Variants in ATXN10 observed in about 807,000 individuals in gnomAD.
ATXN10 encodes the protein ataxin 10.
ATXN10 carries 28 observed loss-of-function variants against 52.9 expected under a neutral mutation model. That is an observed-to-expected ratio of 0.53 (90% CI 0.39 to 0.73). The LOEUF is 0.73. ATXN10 is among the 30% of genes least tolerant of loss of function. The pLI, the probability that ATXN10 is intolerant of heterozygous loss-of-function variation, is 0.00. For synonymous variants in ATXN10, 226 were observed against 221.5 expected, an observed-to-expected ratio of 1.02 and a Z score of -0.18; for missense variants, 565 against 577.0, an observed-to-expected ratio of 0.98 and a Z score of 0.21.
intron 9 of ATXN10, 141 bp downstream of exon 9, chr22:45,740,679 T>TAC (rs74268525): frequency 0.045 from 17,572 of 390,422 alleles, 252 homozygotes; most frequent in Non-Finnish European, 0.054. Context: ...TTTATATGAA[T>TAC]ACACACACAC....
rs548656092 is a variant in ATXN10 at position 45,764,457 on chromosome 22, C to T, written c.1173+23919C>T. Among the ~76,000 whole-genome samples, 8 of 152,296 alleles carry T rather than the reference C, an allele frequency of 5.3e-5. No homozygotes were observed. In the East Asian group the frequency reaches 5.8e-4, roughly 11 times the overall value. ...CAACTCTCAAAAGACATCTCCCTTGCGTCTGGCTAATCCGGGTTTGTTTGG... is the reference window on the plus strand; with the variant it reads ...CAACTCTCAAAAGACATCTCCCTTGTGTCTGGCTAATCCGGGTTTGTTTGG... On this transcript the variant is annotated intron_variant, in intron 9 of 11. Coordinates refer to ENST00000252934, the MANE Select transcript of ATXN10 (RefSeq NM_013236.4).
rs1339885967 is a variant in ATXN10, at chr22:45,690,601, TG to T, written c.308+699del. ...TTTAATTACTTTTAATGTTTTAATT[TG>T]TTACTCTTGTGTTTGGACAAGAAGC... On this transcript the variant is annotated intron_variant, in intron 2 of 11. Transcript: ENST00000252934. This position sits in a 1 kb window ranked among gnomAD's most constrained non-coding sequence, Gnocchi z 4.5. Among the ~76,000 whole-genome samples, 6 of 152,260 alleles carry T rather than the reference TG, an allele frequency of 3.9e-5. No homozygotes were observed. The highest frequency in any genetic ancestry group is 1.4e-4 in the African/African-American group (6 of 41,466).
rs906533913 is a variant in ATXN10 at position 45,819,431 on chromosome 22, G to A, written c.1237+12409G>A. Among the ~76,000 whole-genome samples the A allele has an allele frequency of 1.3e-5, 2 of 152,150 alleles. No individual in the cohort carries two copies. Among genetic ancestry groups the A allele is most frequent in the Admixed American group, 6.5e-5 (1 of 15,274 alleles). On this transcript the variant is annotated intron_variant, in intron 10 of 11. Transcript: ENST00000252934. This position sits in a 1 kb window ranked among gnomAD's most constrained non-coding sequence, Gnocchi z 4.5. ...GATTCCACTGAGCCTGTCTCTGCAC[G>A]GAACGAACACAAAGTTCGGTAGTCA...
chr22:45,811,392 A>G (rs1433032585), intron 10 of ATXN10, among the ~76,000 whole-genome samples: 3 of 152,182 alleles, frequency 2.0e-5, no homozygotes, highest in Non-Finnish European at 2.9e-5. Flanking sequence ...TGTATAAAGT[A>G]TATACAGTCA....
intron 10 of ATXN10, among the ~76,000 whole-genome samples, chr22:45,810,953 T>C (rs577941482): frequency 6.6e-6 from 1 of 152,302 alleles, no homozygotes; most frequent in South Asian, 2.1e-4. Context: ...TTTGCAAATA[T>C]TCTATGTGAG....
Position 45,772,695 on chromosome 22 carries a change from GTCTT to G in ATXN10, c.1173+32161_1173+32164del, listed in dbSNP as rs2146842834. Reference sequence around the variant, plus strand: ...GTCTTCCAATCCGTGAACCAGGAATGTCTTTCTATTTAGATCTTCTCTGATGTCT... The same window carrying G: ...GTCTTCCAATCCGTGAACCAGGAATGTCTATTTAGATCTTCTCTGATGTCT... On this transcript the variant is annotated intron_variant, in intron 9 of 11. Coordinates refer to ENST00000252934, the MANE Select transcript of ATXN10 (RefSeq NM_013236.4). This position sits in a 1 kb window ranked among gnomAD's most constrained non-coding sequence, Gnocchi z 4.1. 6.6e-6 allele frequency among the ~76,000 whole-genome samples: 1 copy of G among 152,326 alleles called. No individual in the cohort carries two copies. Among genetic ancestry groups the G allele is most frequent in the South Asian group, 2.1e-4 (1 of 4,820 alleles).
At position 45,795,003 on chromosome 22, in the gene ATXN10, A is replaced by G. The variant is rs1382784871; in HGVS notation, c.1174-11956A>G. On this transcript the variant is annotated intron_variant, in intron 9 of 11. Transcript: ENST00000252934. This position sits in a 1 kb window ranked among gnomAD's most constrained non-coding sequence, Gnocchi z 4.6. Reference sequence around the variant, plus strand: ...TTTTTAATGTGTATATAGAAGAAAAATATATGAGAGTAATTGCCCAAAGAT... The same window carrying G: ...TTTTTAATGTGTATATAGAAGAAAAGTATATGAGAGTAATTGCCCAAAGAT... 6.6e-6 allele frequency among the ~76,000 whole-genome samples: 1 copy of G among 152,192 alleles called. No homozygotes were observed. Among genetic ancestry groups the G allele is most frequent in the East Asian group, 1.9e-4 (1 of 5,200 alleles).
At position 45,842,919 on chromosome 22, in the gene ATXN10, T is replaced by C; in HGVS notation, c.1238-72T>C. 6.5e-7 allele frequency: 1 copy of C among 1,529,968 alleles called. No homozygotes were observed. The highest frequency in any genetic ancestry group is 9.1e-7 in the Non-Finnish European group (1 of 1,104,692). 94.8% of individuals were successfully genotyped at this position (1,529,968 alleles called of 1,614,324 possible). A position where few individuals can be genotyped will look rare whatever the true frequency, so the allele number is the denominator to read the frequency against. On this transcript the variant is annotated intron_variant, in intron 10 of 11. Transcript: ENST00000252934. This position sits in a 1 kb window ranked among gnomAD's most constrained non-coding sequence, Gnocchi z 4.8. ...CCGTGTTTCTGTGCTCCTCTACTCC[T>C]TTTCTGATAATTCTTATGTGAAGTT... is the stretch of plus-strand genomic sequence containing the variant.
At chr22:45,753,638 T>A (rs1030269756) in intron 9 of ATXN10, among the ~76,000 whole-genome samples, 1 of 151,642 alleles carries the variant, frequency 6.6e-6, no homozygotes, top group Non-Finnish European at 1.5e-5. Flanking sequence ...AACTCCTGAC[T>A]TCAGGCAATC....
intron 9 of ATXN10, among the ~76,000 whole-genome samples, chr22:45,764,134 C>T (rs9626439): frequency 0.037 from 5,623 of 152,216 alleles, 365 homozygotes; most frequent in African/African-American, 0.13. Context: ...TGACTTCATA[C>T]GCTTGCTTGC....
At position 45,696,397 on chromosome 22, in the gene ATXN10, T is replaced by G. The variant is rs974967108; in HGVS notation, c.391+3319T>G. On this transcript the variant is annotated intron_variant, in intron 3 of 11. Coordinates refer to ENST00000252934, the MANE Select transcript of ATXN10 (RefSeq NM_013236.4). This position sits in a 1 kb window ranked among gnomAD's most constrained non-coding sequence, Gnocchi z 4.7. ...GTGTGGCGCTCCAGAGCTGCTGTGC[T>G]GTGGTGGGCGGAAGGAGGTTTCTCT... 6.6e-6 allele frequency among the ~76,000 whole-genome samples: 1 copy of G among 152,210 alleles called. No individual in the cohort carries two copies. The highest frequency in any genetic ancestry group is 1.5e-5 in the Non-Finnish European group (1 of 68,024).
chr22:45,720,485 G>C (rs1048571451), intron 6 of ATXN10, among the ~76,000 whole-genome samples: 2 of 152,004 alleles, frequency 1.3e-5, no homozygotes, highest in African/African-American at 4.8e-5. Flanking sequence ...TACGGGTGTG[G>C]GTCACCATGC....
At position 45,843,187 on chromosome 22, in the gene ATXN10, C is replaced by A. The variant is rs1929405553; in HGVS notation, c.1425+9C>A. 6.2e-7 allele frequency: 1 copy of A among 1,613,586 alleles called. No homozygotes were observed. Among genetic ancestry groups the A allele is most frequent in the Non-Finnish European group, 8.5e-7 (1 of 1,179,730 alleles). ...GAGACACCCCTAAGCCAGTAAGTAC[C>A]CTCGAGGGAACTGTCCTTCCCTTTG... On this transcript the variant is annotated intron_variant, in intron 11 of 11. Transcript: ENST00000252934. This position sits in a 1 kb window ranked among gnomAD's most constrained non-coding sequence, Gnocchi z 4.5.
intron 10 of ATXN10, among the ~76,000 whole-genome samples, chr22:45,811,141 T>C (rs187941893): frequency 6.6e-6 from 1 of 152,294 alleles, no homozygotes; most frequent in Admixed American, 6.5e-5. Context: ...TTCATCTAAT[T>C]TTCTTTTTCA....
intron 2 of ATXN10, 62 bp from the exon 3 acceptor site, chr22:45,692,934 C>T (rs1307622774): frequency 7.3e-7 from 1 of 1,376,596 alleles, no homozygotes; most frequent in Non-Finnish European, 1.0e-6. Flanking sequence ...AGTGCAAAAA[C>T]AGCCATAGAC....
At chr22:45,830,187 C>A (rs1928942973) in intron 10 of ATXN10, among the ~76,000 whole-genome samples, 1 of 152,136 alleles carries the variant, frequency 6.6e-6, no homozygotes, top group African/African-American at 2.4e-5. Flanking sequence ...TGAAACTGAA[C>A]CCTTACTTAA....
chr22:45,809,217 C>T (rs548414558), intron 10 of ATXN10, among the ~76,000 whole-genome samples: 45 of 152,304 alleles, frequency 3.0e-4, no homozygotes, highest in African/African-American at 1.1e-3. Context: ...ACCTTATTCC[C>T]TAGGTAAAAC....
intron 7 of ATXN10, among the ~76,000 whole-genome samples, chr22:45,735,757 C>CT (rs200047186): frequency 0.16 from 19,776 of 120,892 alleles, 1,592 homozygotes; most frequent in Middle Eastern, 0.27. Context: ...GGAGACTAAT[C>CT]TTTTTTTTTT....
Position 45,843,064 on chromosome 22 carries a change from A to T in ATXN10, c.1311A>T (p.Ala437=), listed in dbSNP as rs1929399602. The T allele has an allele frequency of 6.2e-7, 1 of 1,614,230 alleles. No individual in the cohort carries two copies. The highest frequency in any genetic ancestry group is 8.5e-7 in the Non-Finnish European group (1 of 1,180,034). The change falls in exon 11 of 12, where the codon GCA becomes GCT. Residue 437 remains alanine (A), a synonymous_variant. Transcript: ENST00000252934. This position sits in a 1 kb window ranked among gnomAD's most constrained non-coding sequence, Gnocchi z 4.5. Reference sequence around the variant, plus strand: ...ACAGCCAAAACCAAGATTTGATTGCAAAGATGGAGGAACAGGGGCTGGCAG... The same window carrying T: ...ACAGCCAAAACCAAGATTTGATTGCTAAGATGGAGGAACAGGGGCTGGCAG... ...EDNSQNQDLI[A]KMEEQGLADA...
Sources: allele counts gnomAD v4.1 joint callset (sites outside exome capture counted in the v4.1 genomes callset), GRCh38; gene constraint gnomAD v4.1.1; non-coding constraint Gnocchi (gnomAD v3.1); transcripts MANE v1.5; gene names NCBI Gene and HGNC (gene_info 2026-07-23, HGNC 2026-07-21).